LRRK2: variants seen among roughly 807,000 people sequenced by gnomAD.
LRRK2 encodes the protein leucine-rich repeat serine/threonine-protein kinase 2.
In LRRK2, 203 loss-of-function variants were observed where a neutral mutation model predicts 302.6. That is an observed-to-expected ratio of 0.67 (90% CI 0.60 to 0.75). The LOEUF is 0.75. LRRK2 is among the 30% of genes least tolerant of loss of function. The pLI is 0.00. For missense variants in LRRK2, 2,830 were observed against 2,951.0 expected (o/e 0.96, Z 0.95); for synonymous variants, 1,066 against 1,031.9 (o/e 1.03, Z -0.63).
rs1941550714 is a variant in LRRK2, at chr12:40,238,049, A to G, written c.517A>G (p.Asn173Asp). ...TGATGCCATGCACTCATTTCCAGCC[A>G]ATGATGAAGTCCAGAAACTTGGATG... Reference protein sequence around the residue: ...IFDAMHSFPANDEVQKLGCKA... With the variant: ...IFDAMHSFPADDEVQKLGCKA... The change falls in exon 5 of 51, where the codon AAT becomes GAT. Residue 173 changes from asparagine (N) to aspartate (D), a missense_variant. By Grantham distance (23) the Asn-to-Asp change is conservative. Transcript: ENST00000298910. 3.7e-6 allele frequency: 6 copies of G among 1,613,740 alleles called. No homozygotes were observed. In the South Asian group the frequency reaches 4.4e-5, roughly 12 times the overall value.
At position 40,322,428 on chromosome 12, in the gene LRRK2, G is replaced by T. The variant is rs776150084; in HGVS notation, c.5427G>T (p.Lys1809Asn). The change falls in exon 37 of 51, where the codon AAG (lysine) becomes AAT (asparagine). Residue 1809 changes from lysine (K) to asparagine (N), a missense_variant. This residue lies in a region of LRRK2 where 2,121 missense variants were observed against 2,148.0 expected (regional missense o/e 0.99). Coordinates refer to ENST00000298910, the MANE Select transcript of LRRK2 (RefSeq NM_198578.4). ...GTGGTGAAGGAGAAACTCTGTTGAAGAAATGGGCATTATATAGTTTTAATG... is the reference window on the plus strand; with the variant it reads ...GTGGTGAAGGAGAAACTCTGTTGAATAAATGGGCATTATATAGTTTTAATG... ...DICGEGETLL[K>N]KWALYSFNDG... is the part of the protein sequence containing the mutation. 4 of 1,613,400 alleles carry T rather than the reference G, an allele frequency of 2.5e-6. No homozygotes were observed. Among genetic ancestry groups the T allele is most frequent in the Non-Finnish European group, 3.4e-6 (4 of 1,179,520 alleles).
chr12:40,332,618 CATGTGAGTACAAAAT>C (rs1945743987), intron 39 of LRRK2, among the ~76,000 whole-genome samples: 1 of 152,036 alleles, frequency 6.6e-6, no homozygotes, highest in Admixed American at 6.5e-5. Flanking sequence ...TAGAAGATTT[CATGTGAGTACAAAAT>C]ATCCTGGGGG....
At chr12:40,340,084 T>C (rs1345546560) in intron 40 of LRRK2, among the ~76,000 whole-genome samples, 4 of 152,190 alleles carry the variant, frequency 2.6e-5, no homozygotes, top group Non-Finnish European at 4.4e-5. Flanking sequence ...CTTATCAGAT[T>C]TGACCCTTTT....
At chr12:40,326,274 C>G (rs747782733) in intron 38 of LRRK2, among the ~76,000 whole-genome samples, 14 of 151,976 alleles carry the variant, frequency 9.2e-5, no homozygotes, top group Non-Finnish European at 1.9e-4. Flanking sequence ...ACCATCCTGG[C>G]TAACACGGTG....
At chr12:40,225,333 C>T in intron 1 of LRRK2, 51 bp downstream of exon 1, 1 of 1,600,544 alleles carries the variant, frequency 6.2e-7, no homozygotes, top group Non-Finnish European at 8.5e-7. Flanking sequence ...CTTTCTCCCC[C>T]TCCTTACATT....
At chr12:40,263,233 A>G (rs1020324752) in intron 13 of LRRK2, among the ~76,000 whole-genome samples, 1 of 152,220 alleles carries the variant, frequency 6.6e-6, no homozygotes, top group Admixed American at 6.5e-5. Flanking sequence ...GTTCAGCTAC[A>G]GTGTAGCTTA....
intron 25 of LRRK2, chr12:40,300,723 C>T: frequency 2.2e-6 from 1 of 461,220 alleles, no homozygotes; most frequent in Admixed American, 2.4e-5. Context: ...CCTTAAGGAA[C>T]TTGTGATTAA....
intron 6 of LRRK2, among the ~76,000 whole-genome samples, chr12:40,241,203 G>A (rs528054842): frequency 2.4e-4 from 36 of 152,284 alleles, no homozygotes; most frequent in Middle Eastern, 3.4e-3. Context: ...TATCCTATCC[G>A]TTTGTGTTTC....
At chr12:40,356,565 C>T (rs555954782) in intron 46 of LRRK2, among the ~76,000 whole-genome samples, 2 of 152,214 alleles carry the variant, frequency 1.3e-5, no homozygotes, top group Admixed American at 6.5e-5. Flanking sequence ...TTGAAGAAAT[C>T]ATTTAATTTT....
At chr12:40,361,246 A>G (rs201346234) in intron 47 of LRRK2, among the ~76,000 whole-genome samples, 5 of 9,934 alleles carry the variant, frequency 5.0e-4, no homozygotes, top group Non-Finnish European at 2.9e-3. Flanking sequence ...CTGTCTTTAC[A>G]TATTTATTTA....
At position 40,279,534 on chromosome 12, in the gene LRRK2, A is replaced by C. The variant is rs1565706997; in HGVS notation, c.2241+1273A>C. On this transcript the variant is annotated intron_variant, in intron 18 of 50. Coordinates refer to ENST00000298910, the MANE Select transcript of LRRK2 (RefSeq NM_198578.4). ...TTTTTACTGTGCATCTTTTGCATGC[A>C]GATTATTGCATTAATTTTAATTGAA... Among the ~76,000 whole-genome samples the C allele has an allele frequency of 2.6e-5, 4 of 152,308 alleles. No individual in the cohort carries two copies. The South Asian group carries it at 8.3e-4, about 32-fold the overall frequency.
intron 35 of LRRK2, among the ~76,000 whole-genome samples, chr12:40,321,690 T>C (rs1042176895): frequency 2.0e-5 from 3 of 152,088 alleles, no homozygotes; most frequent in South Asian, 2.1e-4. Context: ...GGTAGTTACA[T>C]TGCATTAAAA....
intron 44 of LRRK2, among the ~76,000 whole-genome samples, chr12:40,353,357 G>C (rs1428098760): frequency 1.3e-5 from 2 of 151,010 alleles, no homozygotes; most frequent in East Asian, 3.9e-4. Context: ...GTTGCGGCCG[G>C]GCATAGGCTC....
intron 2 of LRRK2, among the ~76,000 whole-genome samples, chr12:40,231,763 A>T (rs529067190): frequency 6.8e-6 from 1 of 147,242 alleles, no homozygotes; most frequent in Non-Finnish European, 1.5e-5. Context: ...TATATAAATT[A>T]TATATATTAT....
intron 46 of LRRK2, among the ~76,000 whole-genome samples, chr12:40,357,880 C>T (rs1237976581): frequency 6.6e-6 from 1 of 152,100 alleles, no homozygotes; most frequent in African/African-American, 2.4e-5. Flanking sequence ...TCAAGTGATC[C>T]TCCAACATCA....
In LRRK2 at chr12:40,335,002, T is replaced by A; in HGVS notation, c.5793T>A (p.Ser1931Arg). 3 of 1,614,094 alleles carry A rather than the reference T, an allele frequency of 1.9e-6. No individual in the cohort carries two copies. Among genetic ancestry groups the A allele is most frequent in the Non-Finnish European group, 2.5e-6 (3 of 1,179,978 alleles). Residue 1931 changes from serine to arginine, a missense_variant, in exon 40 of 51, where the codon AGT (serine) becomes AGA (arginine). By Grantham distance (110) the Ser-to-Arg change is moderately radical. This residue lies in a region of LRRK2 where 253 missense variants were observed against 346.7 expected (regional missense o/e 0.73). Coordinates refer to ENST00000298910, the MANE Select transcript of LRRK2 (RefSeq NM_198578.4). The part of the protein sequence containing the change: ...LVVLCHLHHP[S>R]LISLLAAGIR... ...TGCTTTGCCACCTCCACCACCCCAGTTTGATATCTTTGCTGGCAGCTGGGA... is the reference window on the plus strand; with the variant it reads ...TGCTTTGCCACCTCCACCACCCCAGATTGATATCTTTGCTGGCAGCTGGGA...
In LRRK2 at chr12:40,277,349, G is replaced by A. The variant is rs185099140; in HGVS notation, c.1942-539G>A. Among the ~76,000 whole-genome samples the A allele has an allele frequency of 3.3e-5, 5 of 152,272 alleles. No individual in the cohort carries two copies. In the East Asian group the frequency reaches 7.7e-4, roughly 23 times the overall value. ...ATTATTAGAATGTAATCCTCAGAGT[G>A]CCCTCAGCGCTTCTCAACTACACTC... On this transcript the variant is annotated intron_variant, in intron 16 of 50. Coordinates refer to ENST00000298910, the MANE Select transcript of LRRK2 (RefSeq NM_198578.4).
Position 40,308,772 on chromosome 12 carries a change from G to A in LRRK2, c.4189+76G>A, listed in dbSNP as rs78493417. On this transcript the variant is annotated intron_variant, in intron 29 of 50. Coordinates refer to ENST00000298910, the MANE Select transcript of LRRK2 (RefSeq NM_198578.4). ...CAGGGATTCAAAAACTGAGCTTTCT[G>A]TTCTAATATCCAGAAACCTGGTAGA... is the stretch of plus-strand genomic sequence containing the variant. The A allele has an allele frequency of 7.8e-5, 104 of 1,340,976 alleles. No homozygotes were observed. In the African/African-American group the frequency reaches 1.3e-3, roughly 16 times the overall value. The allele number at this position is 1,340,976 out of a possible 1,614,324, so 83.1% of individuals were successfully genotyped here.
intron 26 of LRRK2, 125 bp downstream of exon 26, chr12:40,303,007 A>T (rs1468304220): frequency 1.0e-5 from 7 of 683,704 alleles, no homozygotes; most frequent in African/African-American, 1.8e-5. Flanking sequence ...ATGTTTTTGT[A>T]TGTATGAATG....
Sources: gnomAD v4.1 joint callset for allele counts (sites outside exome capture counted in the v4.1 genomes callset) on GRCh38, gnomAD v4.1.1 for gene constraint, gnomAD v4.1.1 regional missense constraint, MANE v1.5 for transcripts, NCBI Gene and HGNC (gene_info 2026-07-23, HGNC 2026-07-21) for gene names.